ZDHHC23: variants seen among roughly 807,000 people sequenced by gnomAD.
ZDHHC23 encodes zDHHC palmitoyltransferase 23, also known as palmitoyltransferase ZDHHC23.
A neutral mutation model predicts 40.2 loss-of-function variants in ZDHHC23; 41 were observed. That is an observed-to-expected ratio of 1.02 (90% CI 0.79 to 1.32). The LOEUF is 1.32. Ranked by LOEUF, ZDHHC23 falls within the 40% of genes most tolerant of loss-of-function variation. ZDHHC23 has a pLI of 0.00. For missense variants in ZDHHC23, 471 were observed against 541.5 expected (o/e 0.87, Z 1.29); for synonymous variants, 204 against 210.2 (o/e 0.97, Z 0.26).
rs1297740731 is a variant in ZDHHC23 at position 113,959,079 on chromosome 3, A to C, written c.*449A>C. The C allele has an allele frequency of 1.0e-6, 1 of 955,374 alleles. No individual in the cohort carries two copies. Among genetic ancestry groups the C allele is most frequent in the Non-Finnish European group, 1.3e-6 (1 of 750,930 alleles). The allele number at this position is 955,374 out of a possible 1,614,324, so 59.2% of individuals were successfully genotyped here. ...TACTGATGCCTGCCCTGGCTACCTC[A>C]CAGAGCCGTCATGAGGGTCACGTGA... On this transcript the variant is annotated 3_prime_UTR_variant, in exon 5 of 5. Transcript: ENST00000638807.
the ZDHHC23 span, among the ~76,000 whole-genome samples, chr3:113,977,644 C>G: frequency 2.0e-5 from 3 of 152,026 alleles, no homozygotes; most frequent in African/African-American, 4.8e-5. Context: ...AAAAGAAAAG[C>G]AAATGTTCAT....
At chr3:113,976,182 C>T in the ZDHHC23 span, among the ~76,000 whole-genome samples, 9 of 151,960 alleles carry the variant, frequency 5.9e-5, no homozygotes, top group Non-Finnish European at 4.4e-5. Context: ...TCGCTTGAAC[C>T]CAGGAGGCGG....
At chr3:113,966,898 A>C (rs761183134), downstream of ZDHHC23, among the ~76,000 whole-genome samples, 71 of 152,226 alleles carry the variant, frequency 4.7e-4, 1 homozygote, top group Middle Eastern at 3.4e-3. Flanking sequence ...CAGGAGTTCA[A>C]GACTAGCCTG....
rs1431642391 is a variant in ZDHHC23 at position 113,958,670 on chromosome 3, C to T, written c.*40C>T. ...GGCTCTCTGAGGGATGATGGCTCCT[C>T]CTTCCGTCTCCCTTCCATTTTACAC... On this transcript the variant is annotated 3_prime_UTR_variant, in exon 5 of 5. Coordinates refer to ENST00000638807, the MANE Select transcript of ZDHHC23 (RefSeq NM_001320466.2). 6.3e-7 allele frequency: 1 copy of T among 1,593,490 alleles called. No individual in the cohort carries two copies. The highest frequency in any genetic ancestry group is 1.7e-5 in the Admixed American group (1 of 59,456).
chr3:113,947,979 G>A (rs553003958), upstream of ZDHHC23: 1 of 147,908 alleles, frequency 6.8e-6, no homozygotes, highest in Non-Finnish European at 1.5e-5. Flanking sequence ...GCGGGGAGGC[G>A]GGCGCGCCGC....
At chr3:113,966,185 A>G (rs534966614), downstream of ZDHHC23, among the ~76,000 whole-genome samples, 2 of 152,320 alleles carry the variant, frequency 1.3e-5, no homozygotes, top group South Asian at 2.1e-4. Context: ...CCTGACCTCC[A>G]ACAGCAGCAA....
chr3:113,956,570 G>A (rs570519512), intron 4 of ZDHHC23, 64 bp downstream of exon 4: 2 of 1,486,816 alleles, frequency 1.3e-6, no homozygotes, highest in African/African-American at 1.4e-5. Flanking sequence ...CATTGACAGG[G>A]ACTATTACTA....
In ZDHHC23 at chr3:113,960,574, T is replaced by A. The variant is rs2107519506; in HGVS notation, c.*1944T>A. The A allele has an allele frequency of 6.6e-7, 1 of 1,506,034 alleles. No individual in the cohort carries two copies. The allele number at this position is 1,506,034 out of a possible 1,614,324, so 93.3% of individuals were successfully genotyped here. On this transcript the variant is annotated 3_prime_UTR_variant, in exon 5 of 5. Transcript: ENST00000638807. ...TGATCATACAAATTGATAGAAACAT[T>A]AGTCAGTAATTTTAGCTTCTTGCCA...
At chr3:113,950,479 AT>A (rs963255781) in intron 2 of ZDHHC23, among the ~76,000 whole-genome samples, 1 of 152,160 alleles carries the variant, frequency 6.6e-6, no homozygotes, top group African/African-American at 2.4e-5. Context: ...GGGCTCTATT[AT>A]AAGGGCACAA....
downstream of ZDHHC23, among the ~76,000 whole-genome samples, chr3:113,966,506 T>G (rs565302478): frequency 6.6e-6 from 1 of 152,228 alleles, no homozygotes; most frequent in East Asian, 1.9e-4. Context: ...TTTTTGAAGA[T>G]GATGTCTGAA....
rs575917336 is a variant in ZDHHC23 at position 113,951,998 on chromosome 3, G to A, written c.162-1702G>A. On this transcript the variant is annotated intron_variant, in intron 2 of 4. Coordinates refer to ENST00000638807, the MANE Select transcript of ZDHHC23 (RefSeq NM_001320466.2). The stretch of plus-strand genomic sequence containing the variant: ...ACTAAAAATACAAAATTAGCCAGGC[G>A]TGGTGGCGCATGCCTGTAATCCCAG... 7.2e-5 allele frequency among the ~76,000 whole-genome samples: 11 copies of A among 152,204 alleles called. No homozygotes were observed. In the South Asian group the frequency reaches 8.3e-4, roughly 11 times the overall value.
intron 3 of ZDHHC23, among the ~76,000 whole-genome samples, chr3:113,955,047 C>T (rs540718072): frequency 1.3e-5 from 2 of 152,348 alleles, no homozygotes; most frequent in South Asian, 4.1e-4. Context: ...TCACTAAATA[C>T]ATCTAAACTA....
chr3:113,960,456 C>G lies in ZDHHC23; in HGVS notation c.*1826C>G, dbSNP rs138608699. The G allele has an allele frequency of 1.0e-4, 136 of 1,363,826 alleles. 1 individual carries two copies. In the East Asian group the frequency reaches 4.2e-3, roughly 42 times the overall value. The allele number at this position is 1,363,826 out of a possible 1,614,324, so 84.5% of individuals were successfully genotyped here. ...CTATACAGGTTTTACATAAGAGAGACAGTAATAATGTCAAGGATAGCCTGT... is the reference window on the plus strand; with the variant it reads ...CTATACAGGTTTTACATAAGAGAGAGAGTAATAATGTCAAGGATAGCCTGT... On this transcript the variant is annotated 3_prime_UTR_variant, in exon 5 of 5. Transcript: ENST00000638807.
chr3:113,967,452 A>G (rs751479214), downstream of ZDHHC23, among the ~76,000 whole-genome samples: 1 of 150,798 alleles, frequency 6.6e-6, no homozygotes, highest in African/African-American at 2.4e-5. Flanking sequence ...AAACATATTC[A>G]TGATCACTGG....
the ZDHHC23 span, chr3:113,979,059 T>C: frequency 6.4e-7 from 1 of 1,550,690 alleles, no homozygotes; most frequent in African/African-American, 1.4e-5. Flanking sequence ...TTTTAAATCA[T>C]TTAAACAAAC....
chr3:113,955,718 T>A (rs532107348), intron 3 of ZDHHC23, among the ~76,000 whole-genome samples: 2 of 152,324 alleles, frequency 1.3e-5, no homozygotes, highest in African/African-American at 2.4e-5. Context: ...TTCCTTAACA[T>A]GGTGAGGACA....
chr3:113,974,133 A>T, the ZDHHC23 span, among the ~76,000 whole-genome samples: 2 of 151,560 alleles, frequency 1.3e-5, no homozygotes, highest in East Asian at 3.9e-4. Flanking sequence ...TGACTTTTTA[A>T]ATCTTTGTTA....
At position 113,959,170 on chromosome 3, in the gene ZDHHC23, A is replaced by G. The variant is rs1189228403; in HGVS notation, c.*540A>G. The G allele has an allele frequency of 1.9e-6, 2 of 1,067,558 alleles. No individual in the cohort carries two copies. The highest frequency in any genetic ancestry group is 3.3e-5 in the African/African-American group (2 of 60,806). 66.1% of individuals were successfully genotyped at this position (1,067,558 alleles called of 1,614,324 possible). A position where few individuals can be genotyped will look rare whatever the true frequency, so the allele number is the denominator to read the frequency against. On this transcript the variant is annotated 3_prime_UTR_variant, in exon 5 of 5. Coordinates refer to ENST00000638807, the MANE Select transcript of ZDHHC23 (RefSeq NM_001320466.2). Reference sequence around the variant, plus strand: ...GCCATGGAAATACAAAGTATTAGGAAAATATTATGATGGAAGAAAAACGTT... The same window carrying G: ...GCCATGGAAATACAAAGTATTAGGAGAATATTATGATGGAAGAAAAACGTT...
intron 3 of ZDHHC23, among the ~76,000 whole-genome samples, chr3:113,956,085 T>C (rs1056363370): frequency 2.6e-5 from 4 of 152,170 alleles, no homozygotes; most frequent in African/African-American, 9.6e-5. Context: ...CTACTCAAAA[T>C]ACACAAATTA....
Sources: gnomAD v4.1 joint callset for allele counts (sites outside exome capture counted in the v4.1 genomes callset) on GRCh38, gnomAD v4.1.1 for gene constraint, MANE v1.5 for transcripts, NCBI Gene and HGNC (gene_info 2026-07-23, HGNC 2026-07-21) for gene names.